Variants in ENOX1 observed in about 807,000 individuals in gnomAD.
The protein encoded by ENOX1 is ecto-NOX disulfide-thiol exchanger 1, also known as candidate growth-related and time keeping constitutive hydroquinone (NADH) oxidase.
Under a neutral mutation model 82.5 loss-of-function variants are expected in ENOX1, and 42 were observed. The observed-to-expected ratio is 0.51, with a 90% confidence interval of 0.40 to 0.66. The LOEUF (loss-of-function observed/expected upper bound fraction) is 0.66, where lower values mean the gene tolerates loss of function less well. ENOX1 is among the 30% of genes least tolerant of loss of function. ENOX1 has a pLI of 0.00. For missense variants in ENOX1, 608 were observed against 811.6 expected (o/e 0.75, Z 3.05); for synonymous variants, 271 against 282.2 (o/e 0.96, Z 0.40).
chr13:43,471,355 T>C (rs1258742533), intron 3 of ENOX1, among the ~76,000 whole-genome samples: 2 of 152,102 alleles, frequency 1.3e-5, no homozygotes, highest in African/African-American at 4.8e-5. Context: ...GCAGATACAT[T>C]TGTCAGAACT....
intron 11 of ENOX1, among the ~76,000 whole-genome samples, chr13:43,315,589 CTG>C (rs1437344725): frequency 6.6e-6 from 1 of 152,212 alleles, no homozygotes; most frequent in Non-Finnish European, 1.5e-5. Flanking sequence ...TCCAACAACA[CTG>C]TGTTAATTTT....
intron 5 of ENOX1, among the ~76,000 whole-genome samples, chr13:43,395,751 G>A (rs975512599): frequency 4.6e-5 from 7 of 152,166 alleles, no homozygotes; most frequent in African/African-American, 1.7e-4. Flanking sequence ...CAAGCATGGA[G>A]CCCAGCAGGA....
At chr13:43,756,726 G>A (rs1230621189) in intron 1 of ENOX1, among the ~76,000 whole-genome samples, 4 of 152,080 alleles carry the variant, frequency 2.6e-5, no homozygotes, top group Non-Finnish European at 4.4e-5. Flanking sequence ...AAGCAGTTGA[G>A]CTGAAATTGG....
At chr13:43,247,681 C>T (rs2043150424) in intron 14 of ENOX1, among the ~76,000 whole-genome samples, 2 of 149,616 alleles carry the variant, frequency 1.3e-5, no homozygotes, top group African/African-American at 4.9e-5. Context: ...GGTCCCAGTG[C>T]ACCTGTTGTC....
At chr13:43,618,544 G>A (rs2082583967) in intron 2 of ENOX1, among the ~76,000 whole-genome samples, 1 of 152,066 alleles carries the variant, frequency 6.6e-6, no homozygotes, top group South Asian at 2.1e-4. Flanking sequence ...AGATCAGTTG[G>A]CTGTTAAGTA....
chr13:43,553,477 A>C (rs1189291435), intron 2 of ENOX1, among the ~76,000 whole-genome samples: 2 of 152,206 alleles, frequency 1.3e-5, no homozygotes, highest in East Asian at 3.8e-4. Context: ...CGCTTCTTTA[A>C]AACTGGCTCA....
intron 2 of ENOX1, among the ~76,000 whole-genome samples, chr13:43,516,045 G>A (rs1025860206): frequency 6.6e-6 from 1 of 152,168 alleles, no homozygotes; most frequent in Non-Finnish European, 1.5e-5. Flanking sequence ...CCTAAGGGTA[G>A]ATATTGAGCC....
intron 14 of ENOX1, among the ~76,000 whole-genome samples, chr13:43,243,313 C>A (rs1566317019): frequency 1.3e-5 from 2 of 152,108 alleles, no homozygotes; most frequent in Non-Finnish European, 2.9e-5. Flanking sequence ...CGCTCAAACC[C>A]TCATTTTGTC....
chr13:43,415,393 G>A (rs1373950061), intron 3 of ENOX1, among the ~76,000 whole-genome samples: 6 of 151,782 alleles, frequency 4.0e-5, no homozygotes, highest in East Asian at 1.9e-4. Context: ...AGGTCCCTGC[G>A]GCCTTCCGCA....
chr13:43,620,942 T>C (rs912759708), intron 2 of ENOX1, among the ~76,000 whole-genome samples: 3 of 152,176 alleles, frequency 2.0e-5, no homozygotes, highest in African/African-American at 7.2e-5. Flanking sequence ...GTTAGGTGCA[T>C]GTATGTTTAG....
At chr13:43,435,053 A>C (rs557109974) in intron 3 of ENOX1, among the ~76,000 whole-genome samples, 1 of 150,470 alleles carries the variant, frequency 6.6e-6, no homozygotes, top group East Asian at 2.0e-4. Flanking sequence ...TCTTAGCATA[A>C]TACCCGGCAC....
chr13:43,775,964 T>C (rs1217156679), intron 1 of ENOX1, among the ~76,000 whole-genome samples: 1 of 152,250 alleles, frequency 6.6e-6, no homozygotes, highest in Non-Finnish European at 1.5e-5. Context: ...GCCTGTTTTT[T>C]CTTAACCAAG....
At chr13:43,401,157 C>T (rs1399817200) in intron 5 of ENOX1, among the ~76,000 whole-genome samples, 1 of 152,178 alleles carries the variant, frequency 6.6e-6, no homozygotes, top group African/African-American at 2.4e-5. Flanking sequence ...AGTAAAGTCA[C>T]TCATATCATA....
chr13:43,774,349 C>G (rs1015627479), intron 1 of ENOX1, among the ~76,000 whole-genome samples: 1 of 152,130 alleles, frequency 6.6e-6, no homozygotes, highest in Non-Finnish European at 1.5e-5. Flanking sequence ...AAAATAAGGG[C>G]TCTGGACTTA....
At chr13:43,330,142 TACTC>T (rs2153533354) in intron 9 of ENOX1, among the ~76,000 whole-genome samples, 1 of 152,352 alleles carries the variant, frequency 6.6e-6, no homozygotes, top group Admixed American at 6.5e-5. Context: ...TCATACTACT[TACTC>T]TATCTATATA....
At chr13:43,250,339 T>C (rs956424073) in intron 14 of ENOX1, among the ~76,000 whole-genome samples, 1 of 152,144 alleles carries the variant, frequency 6.6e-6, no homozygotes, top group Non-Finnish European at 1.5e-5. Flanking sequence ...CTTGAGTGAG[T>C]TCCCTTTTCA....
intron 14 of ENOX1, among the ~76,000 whole-genome samples, chr13:43,264,329 T>G (rs1201843845): frequency 6.6e-6 from 1 of 152,250 alleles, no homozygotes; most frequent in East Asian, 1.9e-4. Context: ...TATCTTGTCA[T>G]GTGTTTCTTA....
In ENOX1 at chr13:43,633,498, G is replaced by A. The variant is rs142689090; in HGVS notation, c.-219+33981C>T. Among the ~76,000 whole-genome samples, 101 of 152,200 alleles carry A rather than the reference G, an allele frequency of 6.6e-4. 1 individual carries two copies. The highest frequency in any genetic ancestry group is 4.0e-3 in the East Asian group (21 of 5,190). Reference sequence around the variant, plus strand: ...CATTGGGATCCACAAATAAGTCCACGTGTAGGGGAATGATAAAAGTAAATT... The same window carrying A: ...CATTGGGATCCACAAATAAGTCCACATGTAGGGGAATGATAAAAGTAAATT... On this transcript the variant is annotated intron_variant, in intron 2 of 16. Coordinates refer to ENST00000690772, the MANE Select transcript of ENOX1 (RefSeq NM_001347969.2).
intron 5 of ENOX1, among the ~76,000 whole-genome samples, chr13:43,401,243 T>A (rs1329514045): frequency 1.1e-4 from 16 of 152,212 alleles, no homozygotes; most frequent in Admixed American, 1.0e-3. Context: ...TGTAAACTTC[T>A]GCTTCCAGCC....
Sources: gnomAD v4.1 joint callset for allele counts (sites outside exome capture counted in the v4.1 genomes callset) on GRCh38, gnomAD v4.1.1 for gene constraint, MANE v1.5 for transcripts, NCBI Gene and HGNC (gene_info 2026-07-23, HGNC 2026-07-21) for gene names.